MLLT3: variants seen among roughly 807,000 people sequenced by gnomAD.
The protein encoded by MLLT3 is protein AF-9.
Under a neutral mutation model 53.2 loss-of-function variants are expected in MLLT3, and 4 were observed. That is an observed-to-expected ratio of 0.08 (90% CI 0.04 to 0.17). MLLT3 has a LOEUF of 0.17. Ranked by LOEUF, MLLT3 falls within the 10% of genes least tolerant of loss-of-function variation. The pLI, the probability that MLLT3 is intolerant of heterozygous loss-of-function variation, is 1.00. For missense variants in MLLT3, 569 were observed against 684.0 expected (o/e 0.83, Z 1.87); for synonymous variants, 283 against 230.6 (o/e 1.23, Z -2.06).
chr9:20,390,645 C>T (rs1822157030), intron 5 of MLLT3, among the ~76,000 whole-genome samples: 1 of 152,148 alleles, frequency 6.6e-6, no homozygotes, highest in Non-Finnish European at 1.5e-5. Context: ...ATACCAAGAA[C>T]TCTGGCAAAT....
chr9:20,537,515 C>G (rs533068378), intron 2 of MLLT3, among the ~76,000 whole-genome samples: 6 of 152,224 alleles, frequency 3.9e-5, no homozygotes, highest in African/African-American at 1.4e-4. Flanking sequence ...TAAAAGAACA[C>G]TTAACATTTT....
chr9:20,606,608 A>T (rs535068793), intron 2 of MLLT3, among the ~76,000 whole-genome samples: 2 of 152,134 alleles, frequency 1.3e-5, no homozygotes, highest in African/African-American at 2.4e-5. Flanking sequence ...GGAGTGTGGG[A>T]GGTGGAGTTA....
chr9:20,420,092 TAGAA>T (rs149022936), intron 4 of MLLT3, among the ~76,000 whole-genome samples: 13,315 of 152,000 alleles, frequency 0.088, 1,225 homozygotes, highest in African/African-American at 0.22. Context: ...TATGAGCAAT[TAGAA>T]AGGAAGGTGG....
chr9:20,501,620 G>A lies in MLLT3; in HGVS notation c.194-44834C>T, dbSNP rs187207940. ...CAAAAAATTAGCCGGGCGCGGTGGC[G>A]GGCGCCTGCAGTCCCAGCTACTTGG... On this transcript the variant is annotated intron_variant, in intron 2 of 10. Coordinates refer to ENST00000380338, the MANE Select transcript of MLLT3 (RefSeq NM_004529.4). Among the ~76,000 whole-genome samples the A allele has an allele frequency of 0.011, 1,619 of 152,038 alleles. 73 individuals are homozygous for A. The East Asian group carries it at 0.15, about 15-fold the overall frequency.
intron 2 of MLLT3, among the ~76,000 whole-genome samples, chr9:20,541,866 T>C (rs1215415854): frequency 6.6e-6 from 1 of 152,202 alleles, no homozygotes; most frequent in Non-Finnish European, 1.5e-5. Context: ...CTACCATATC[T>C]GCAGTCATTT....
At chr9:20,396,637 C>G (rs1322711555) in intron 5 of MLLT3, among the ~76,000 whole-genome samples, 1 of 152,104 alleles carries the variant, frequency 6.6e-6, no homozygotes, top group African/African-American at 2.4e-5. Context: ...CCTGCACCAC[C>G]TGGCATATAT....
intron 2 of MLLT3, among the ~76,000 whole-genome samples, chr9:20,584,826 T>C (rs978015330): frequency 6.6e-6 from 1 of 152,236 alleles, no homozygotes; most frequent in African/African-American, 2.4e-5. Flanking sequence ...TTCTTCCATG[T>C]CTTTTCGTAG....
At chr9:20,580,684 A>G (rs972543635) in intron 2 of MLLT3, among the ~76,000 whole-genome samples, 2 of 152,226 alleles carry the variant, frequency 1.3e-5, no homozygotes, top group African/African-American at 2.4e-5. Flanking sequence ...GGCATGGCTT[A>G]TCAATGTTTT....
Position 20,344,355 on chromosome 9 carries a change from C to T in MLLT3, c.*2088G>A, listed in dbSNP as rs1820811803. 4.9e-6 allele frequency: 1 copy of T among 203,654 alleles called. No individual in the cohort carries two copies. Among genetic ancestry groups the T allele is most frequent in the Non-Finnish European group, 1.0e-5 (1 of 99,336 alleles). 12.6% of individuals were successfully genotyped at this position (203,654 alleles called of 1,614,324 possible). A position where few individuals can be genotyped will look rare whatever the true frequency, so the allele number is the denominator to read the frequency against. On this transcript the variant is annotated 3_prime_UTR_variant, in exon 11 of 11. Coordinates refer to ENST00000380338, the MANE Select transcript of MLLT3 (RefSeq NM_004529.4). The stretch of plus-strand genomic sequence containing the variant: ...AAATCACATAAACTTCTGGCTTGAT[C>T]AGAATATGTGTTAGCAGTTAGAAAT...
chr9:20,606,324 G>T (rs1356297142), intron 2 of MLLT3, among the ~76,000 whole-genome samples: 6 of 151,840 alleles, frequency 4.0e-5, no homozygotes, highest in Non-Finnish European at 5.9e-5. Flanking sequence ...TGCAGGAGGT[G>T]GGGGAGGGGT....
intron 2 of MLLT3, among the ~76,000 whole-genome samples, chr9:20,469,498 G>A (rs975999087): frequency 1.3e-5 from 2 of 152,036 alleles, no homozygotes; most frequent in African/African-American, 4.8e-5. Flanking sequence ...TAGTATTCCA[G>A]AACAGCGTGC....
At chr9:20,544,593 A>T (rs1818736533) in intron 2 of MLLT3, among the ~76,000 whole-genome samples, 1 of 152,232 alleles carries the variant, frequency 6.6e-6, no homozygotes, top group Non-Finnish European at 1.5e-5. Flanking sequence ...ATAGGTGTTG[A>T]CAAGGATGTA....
intron 8 of MLLT3, among the ~76,000 whole-genome samples, chr9:20,357,596 GATCTTTC>G: frequency 6.6e-6 from 1 of 152,306 alleles, no homozygotes; most frequent in East Asian, 1.9e-4. Flanking sequence ...TCTACTGATA[GATCTTTC>G]ATACTAATGA....
rs58417778 is a variant in MLLT3, at chr9:20,565,954, TTATATATATATATTTATA to T, written c.193+54682_193+54699del. Among the ~76,000 whole-genome samples, 213 of 34,672 alleles carry T rather than the reference TTATATATATATATTTATA, an allele frequency of 6.1e-3. 4 individuals are homozygous for T. Among genetic ancestry groups the T allele is most frequent in the African/African-American group, 0.033 (196 of 5,900 alleles). The allele number at this position is 34,672 out of a possible 152,430, so 22.7% of individuals were successfully genotyped here. A position where few individuals can be genotyped will look rare whatever the true frequency, so the allele number is the denominator to read the frequency against. On this transcript the variant is annotated intron_variant, in intron 2 of 10. Transcript: ENST00000380338. The stretch of plus-strand genomic sequence containing the variant: ...TATATATATTTATATATATATATAT[TTATATATATATATTTATA>T]TATATATATATTTATTTATATATTT...
At position 20,620,610 on chromosome 9, in the gene MLLT3, T is replaced by A; in HGVS notation, c.193+44A>T. 1 of 1,579,434 alleles carries A rather than the reference T, an allele frequency of 6.3e-7. No individual in the cohort carries two copies. ...GGACCGCCCGGGCCAAGCGATTGTT[T>A]CAAAGACATTTTTTATCAAGACCCT... On this transcript the variant is annotated intron_variant, in intron 2 of 10. Transcript: ENST00000380338. This position sits in a 1 kb window ranked among gnomAD's most constrained non-coding sequence, Gnocchi z 6.1.
chr9:20,421,816 A>C (rs1352118527), intron 4 of MLLT3, among the ~76,000 whole-genome samples: 1 of 152,234 alleles, frequency 6.6e-6, no homozygotes, highest in African/African-American at 2.4e-5. Flanking sequence ...AAATACCAAA[A>C]GAATCAACCC....
chr9:20,567,332 A>T (rs1461925181), intron 2 of MLLT3, among the ~76,000 whole-genome samples: 2 of 150,860 alleles, frequency 1.3e-5, no homozygotes, highest in African/African-American at 4.9e-5. Flanking sequence ...AAAAAAACAC[A>T]AACGATTTAA....
intron 2 of MLLT3, among the ~76,000 whole-genome samples, chr9:20,508,624 C>T (rs147760858): frequency 1.2e-3 from 178 of 152,298 alleles, no homozygotes; most frequent in African/African-American, 4.2e-3. Context: ...CAAAGTCAGA[C>T]TTCATACAAT....
intron 10 of MLLT3, 106 bp from the exon 11 acceptor site, chr9:20,346,680 T>G (rs554309711): frequency 9.1e-7 from 1 of 1,094,248 alleles, no homozygotes; most frequent in South Asian, 1.6e-5. Flanking sequence ...TGATAAATAT[T>G]CGTATTTATA....
Sources: allele counts gnomAD v4.1 joint callset (sites outside exome capture counted in the v4.1 genomes callset), GRCh38; gene constraint gnomAD v4.1.1; non-coding constraint Gnocchi (gnomAD v3.1); transcripts MANE v1.5; gene names NCBI Gene and HGNC (gene_info 2026-07-23, HGNC 2026-07-21).